DKK2: variants seen among roughly 807,000 people sequenced by gnomAD.
The protein encoded by DKK2 is dickkopf Wnt signaling pathway inhibitor 2.
DKK2 carries 11 observed loss-of-function variants against 28.1 expected under a neutral mutation model. The ratio of observed to expected loss-of-function variants is 0.39; its 90% CI spans 0.25 to 0.65. DKK2 has a LOEUF of 0.65. DKK2 is among the 30% of genes least tolerant of loss of function. The pLI, the probability that DKK2 is intolerant of heterozygous loss-of-function variation, is 0.47. For synonymous variants in DKK2, 135 were observed against 126.5 expected, an observed-to-expected ratio of 1.07 and a Z score of -0.45; for missense variants, 326 against 335.5, an observed-to-expected ratio of 0.97 and a Z score of 0.22.
intron 1 of DKK2, among the ~76,000 whole-genome samples, chr4:106,984,361 C>T (rs1723086351): frequency 6.6e-6 from 1 of 152,116 alleles, no homozygotes; most frequent in South Asian, 2.1e-4. Flanking sequence ...GTTTCCTCTC[C>T]CTCAGCCCCT....
intron 1 of DKK2, among the ~76,000 whole-genome samples, chr4:106,992,675 G>A (rs1393897007): frequency 6.6e-6 from 1 of 152,200 alleles, no homozygotes; most frequent in Non-Finnish European, 1.5e-5. Context: ...AGCATTTCAA[G>A]CATATATTTA....
At chr4:106,949,068 G>A (rs1724820786) in intron 1 of DKK2, among the ~76,000 whole-genome samples, 1 of 152,084 alleles carries the variant, frequency 6.6e-6, no homozygotes, top group South Asian at 2.1e-4. Flanking sequence ...GTATATAAAT[G>A]ATGATCTGTA....
In DKK2 at chr4:106,924,184, G is replaced by A. The variant is rs1305420126; in HGVS notation, c.550C>T (p.Leu184=). Residue 184 remains leucine (L), a synonymous_variant, in exon 4 of 4, where the codon CTA becomes TTA. Transcript: ENST00000285311. ...HIKGHEGDPC[L]RSSDCIEGFC... Reference sequence around the variant, plus strand: ...CCTTCAATGCAGTCTGATGATCGTAGGCAGGGGTCTCCTTCATGCCCTGCA... The same window carrying A: ...CCTTCAATGCAGTCTGATGATCGTAAGCAGGGGTCTCCTTCATGCCCTGCA... 2 of 1,613,902 alleles carry A rather than the reference G, an allele frequency of 1.2e-6. No individual in the cohort carries two copies. Among genetic ancestry groups the A allele is most frequent in the Admixed American group, 3.3e-5 (2 of 59,994 alleles).
At chr4:106,937,646 C>T (rs1432227699) in intron 1 of DKK2, among the ~76,000 whole-genome samples, 1 of 151,188 alleles carries the variant, frequency 6.6e-6, no homozygotes, top group Non-Finnish European at 1.5e-5. Flanking sequence ...CTCTCCACCC[C>T]AAATCAACAG....
intron 1 of DKK2, among the ~76,000 whole-genome samples, chr4:107,010,146 C>A (rs1312464330): frequency 6.6e-6 from 1 of 151,594 alleles, no homozygotes; most frequent in Non-Finnish European, 1.5e-5. Context: ...CTGCCCTCCC[C>A]CAAAGTAGGA....
intron 1 of DKK2, among the ~76,000 whole-genome samples, chr4:106,939,846 T>C (rs917579918): frequency 2.0e-4 from 30 of 151,900 alleles, no homozygotes; most frequent in African/African-American, 6.8e-4. Context: ...CTGAGAAAAA[T>C]AAGCAATGGG....
intron 1 of DKK2, among the ~76,000 whole-genome samples, chr4:106,932,343 C>G (rs1724516134): frequency 6.6e-6 from 1 of 152,108 alleles, no homozygotes; most frequent in Non-Finnish European, 1.5e-5. Context: ...GTAACTCTAT[C>G]AAATGAAGGC....
chr4:107,014,643 T>C (rs1723565839), intron 1 of DKK2, among the ~76,000 whole-genome samples: 1 of 151,432 alleles, frequency 6.6e-6, no homozygotes, highest in Admixed American at 6.6e-5. Flanking sequence ...AAAAGAAGAT[T>C]TAAAAGTTAT....
intron 1 of DKK2, among the ~76,000 whole-genome samples, chr4:106,943,517 T>A (rs1724732398): frequency 6.6e-6 from 1 of 152,096 alleles, no homozygotes; most frequent in African/African-American, 2.4e-5. Context: ...TTAAATTGAT[T>A]TTTAAAATTG....
chr4:106,928,629 G>T (rs960080986), intron 1 of DKK2, among the ~76,000 whole-genome samples: 1 of 152,052 alleles, frequency 6.6e-6, no homozygotes, highest in African/African-American at 2.4e-5. Flanking sequence ...GTATTTGGGG[G>T]CATGCCTTGC....
chr4:107,000,827 T>C (rs749187396), intron 1 of DKK2, among the ~76,000 whole-genome samples: 1 of 152,182 alleles, frequency 6.6e-6, no homozygotes, highest in Non-Finnish European at 1.5e-5. Flanking sequence ...TCAAGTATGA[T>C]GTCCATGGCC....
intron 1 of DKK2, among the ~76,000 whole-genome samples, chr4:106,962,873 A>T (rs1434374883): frequency 1.3e-5 from 2 of 152,062 alleles, no homozygotes; most frequent in Admixed American, 1.3e-4. Flanking sequence ...AAAGGATTAA[A>T]ACCAGAATAT....
At chr4:106,957,713 T>C (rs1374975759) in intron 1 of DKK2, among the ~76,000 whole-genome samples, 1 of 117,618 alleles carries the variant, frequency 8.5e-6, no homozygotes, top group Admixed American at 1.2e-4. Flanking sequence ...TGAGAACACA[T>C]GGACACAGGA....
chr4:106,934,479 A>C (rs1234902401), intron 1 of DKK2, among the ~76,000 whole-genome samples: 1 of 152,192 alleles, frequency 6.6e-6, no homozygotes, highest in Non-Finnish European at 1.5e-5. Flanking sequence ...TCTTAATAGC[A>C]GAATTAGACT....
intron 1 of DKK2, among the ~76,000 whole-genome samples, chr4:106,939,401 G>A (rs1204837703): frequency 6.6e-6 from 1 of 152,096 alleles, no homozygotes; most frequent in Non-Finnish European, 1.5e-5. Context: ...CAACTTACAA[G>A]GGATGTGAAG....
At chr4:106,925,657 G>T in intron 2 of DKK2, 142 bp downstream of exon 2, 3 of 1,086,896 alleles carry the variant, frequency 2.8e-6, no homozygotes, top group Non-Finnish European at 3.9e-6. Flanking sequence ...GGTAATCCAG[G>T]TAATCTTACA....
chr4:106,985,665 C>A (rs775996317), intron 1 of DKK2, among the ~76,000 whole-genome samples: 7 of 150,288 alleles, frequency 4.7e-5, no homozygotes, highest in Non-Finnish European at 7.4e-5. Flanking sequence ...AAAAATTAGC[C>A]CGGCATGGTG....
intron 1 of DKK2, among the ~76,000 whole-genome samples, chr4:106,936,340 G>A (rs1724587975): frequency 6.6e-6 from 1 of 152,220 alleles, no homozygotes; most frequent in African/African-American, 2.4e-5. Context: ...AGGAGCCGAT[G>A]CGATCAACTG....
rs1009763940 is a variant in DKK2 at position 106,942,704 on chromosome 4, C to G, written c.223-16755G>C. ...AAACAAAACAAATTAAATTTATTAA[C>G]CAACTGGCTAATAGAGCTTTTATAC... On this transcript the variant is annotated intron_variant, in intron 1 of 3. Coordinates refer to ENST00000285311, the MANE Select transcript of DKK2 (RefSeq NM_014421.3). Among the ~76,000 whole-genome samples, 55 of 152,084 alleles carry G rather than the reference C, an allele frequency of 3.6e-4. 1 individual carries two copies. The highest frequency in any genetic ancestry group is 3.3e-3 in the Admixed American group (51 of 15,228).
Sources: gnomAD v4.1 joint callset for allele counts (sites outside exome capture counted in the v4.1 genomes callset) on GRCh38, gnomAD v4.1.1 for gene constraint, MANE v1.5 for transcripts, NCBI Gene and HGNC (gene_info 2026-07-23, HGNC 2026-07-21) for gene names.